The following SORCS2 variants were observed in gnomAD, a reference collection of about 807,000 sequenced individuals.
SORCS2 encodes VPS10 domain-containing receptor SorCS2.
In SORCS2, 100 loss-of-function variants were observed where a neutral mutation model predicts 141.6. The ratio of observed to expected loss-of-function variants is 0.71; its 90% CI spans 0.60 to 0.83. The LOEUF (loss-of-function observed/expected upper bound fraction) is 0.83, where lower values mean the gene tolerates loss of function less well. Among genes scored for constraint, SORCS2 ranks in the 40% least tolerant of loss-of-function variants. The probability of loss-of-function intolerance (pLI) is 0.00; values close to 1 mark genes in which losing one functional copy is unlikely to be tolerated. For synonymous variants in SORCS2, 789 were observed against 676.9 expected (o/e 1.17, Z -2.57); for missense variants, 1,646 against 1,560.2 (o/e 1.05, Z -0.93).
rs550376684 is a variant in SORCS2 at position 7,685,557 on chromosome 4, C to CT, written c.1488+2668_1488+2669insT. On this transcript the variant is annotated intron_variant, in intron 10 of 26. Coordinates refer to ENST00000507866, the MANE Select transcript of SORCS2 (RefSeq NM_020777.3). The stretch of plus-strand genomic sequence containing the variant: ...ATGGTGGCACATGCCTATAATCCCA[C>CT]CTACTTGGGAGGCTGAGGCAGGAGA... 3.1e-4 allele frequency among the ~76,000 whole-genome samples: 47 copies of CT among 152,186 alleles called. No individual in the cohort carries two copies. In the South Asian group the frequency reaches 7.3e-3, roughly 24 times the overall value.
intron 12 of SORCS2, among the ~76,000 whole-genome samples, chr4:7,700,630 G>C (rs1224312652): frequency 3.3e-5 from 5 of 152,234 alleles, no homozygotes. Context: ...CATAGGCATT[G>C]TGCTTCTCCA....
intron 1 of SORCS2, among the ~76,000 whole-genome samples, chr4:7,343,031 G>C (rs1311977434): frequency 6.6e-6 from 1 of 152,348 alleles, no homozygotes; most frequent in Middle Eastern, 3.4e-3. Context: ...GGGTGGAAAA[G>C]GGGACAGAGC....
chr4:7,608,297 G>A (rs912339804), intron 3 of SORCS2, among the ~76,000 whole-genome samples: 3 of 152,114 alleles, frequency 2.0e-5, no homozygotes, highest in East Asian at 1.9e-4. Flanking sequence ...GAAGGCTGCC[G>A]GATTGCACAC....
rs1478363816 is a variant in SORCS2 at position 7,365,006 on chromosome 4, C to T, written c.481-31282C>T. On this transcript the variant is annotated intron_variant, in intron 1 of 26. Coordinates refer to ENST00000507866, the MANE Select transcript of SORCS2 (RefSeq NM_020777.3). ...TCTGTGGAGTGTAGGTAAGGCTGGC[C>T]CCTGCCTCATAGAGTTGCTGTCAGG... is the stretch of plus-strand genomic sequence containing the variant. Among the ~76,000 whole-genome samples, 6 of 152,176 alleles carry T rather than the reference C, an allele frequency of 3.9e-5. No homozygotes were observed. In the East Asian group the frequency reaches 1.2e-3, roughly 29 times the overall value.
At chr4:7,510,734 G>T (rs139123347) in intron 2 of SORCS2, among the ~76,000 whole-genome samples, 1,596 of 152,372 alleles carry the variant, frequency 0.01, 28 homozygotes, top group African/African-American at 0.036. Flanking sequence ...CGGGGCCTGG[G>T]CACGTGCTGT....
At position 7,654,956 on chromosome 4, in the gene SORCS2, T is replaced by C. The variant is rs1054513497; in HGVS notation, c.887+749T>C. ...TGCCCCCTGAGCACCCCAGCCTCACTGCACGGGGGGCACTCGGCTTTCCTT... is the reference window on the plus strand; with the variant it reads ...TGCCCCCTGAGCACCCCAGCCTCACCGCACGGGGGGCACTCGGCTTTCCTT... On this transcript the variant is annotated intron_variant, in intron 5 of 26. Transcript: ENST00000507866. Among the ~76,000 whole-genome samples, 125 of 152,168 alleles carry C rather than the reference T, an allele frequency of 8.2e-4. 1 individual carries two copies. The highest frequency in any genetic ancestry group is 2.9e-3 in the African/African-American group (121 of 41,440).
intron 4 of SORCS2, among the ~76,000 whole-genome samples, chr4:7,652,660 C>A (rs959070230): frequency 2.6e-5 from 4 of 152,194 alleles, no homozygotes; most frequent in Admixed American, 2.0e-4. Context: ...GCACAGGCCT[C>A]TCTCAGGCCC....
At position 7,673,573 on chromosome 4, in the gene SORCS2, A is replaced by G. The variant is rs898282986; in HGVS notation, c.1162-2477A>G. Among the ~76,000 whole-genome samples, 4 of 152,230 alleles carry G rather than the reference A, an allele frequency of 2.6e-5. No homozygotes were observed. In the South Asian group the frequency reaches 8.3e-4, roughly 32 times the overall value. On this transcript the variant is annotated intron_variant, in intron 8 of 26. Coordinates refer to ENST00000507866, the MANE Select transcript of SORCS2 (RefSeq NM_020777.3). ...TACACATGAAAAAAATATGTGCACC[A>G]CACTTGAGAGAAAGCCCAAACGTAA...
At chr4:7,635,300 G>A (rs77086496) in intron 3 of SORCS2, among the ~76,000 whole-genome samples, 2,068 of 152,238 alleles carry the variant, frequency 0.014, 43 homozygotes, top group African/African-American at 0.046. Flanking sequence ...CTGACCATCC[G>A]TGTGACCTCC....
chr4:7,453,180 G>C (rs1363959467), intron 2 of SORCS2, among the ~76,000 whole-genome samples: 3 of 143,544 alleles, frequency 2.1e-5, no homozygotes, highest in Non-Finnish European at 4.6e-5. Flanking sequence ...GTCAGGCTCT[G>C]TGTTGGGGTC....
chr4:7,324,987 A>C (rs1479691828), intron 1 of SORCS2, among the ~76,000 whole-genome samples: 1 of 151,984 alleles, frequency 6.6e-6, no homozygotes, highest in African/African-American at 2.4e-5. Flanking sequence ...GAGTCTCTCA[A>C]CCTCTCCGTG....
At chr4:7,587,953 C>A (rs1006985309) in intron 3 of SORCS2, among the ~76,000 whole-genome samples, 1 of 152,154 alleles carries the variant, frequency 6.6e-6, no homozygotes, top group Non-Finnish European at 1.5e-5. Context: ...TTTTTTCAGG[C>A]CTTTAAAACC....
intron 1 of SORCS2, among the ~76,000 whole-genome samples, chr4:7,221,949 C>G (rs1040412826): frequency 4.6e-5 from 7 of 152,142 alleles, no homozygotes; most frequent in Non-Finnish European, 1.5e-5. Context: ...GGGAGAGAGA[C>G]AGAAAACCTA....
At chr4:7,328,018 C>CTATTT (rs1719391557) in intron 1 of SORCS2, among the ~76,000 whole-genome samples, 1 of 88,752 alleles carries the variant, frequency 1.1e-5, no homozygotes, top group East Asian at 2.9e-4. Flanking sequence ...TCGTGCTAGG[C>CTATTT]TTTTTTTTTT....
At chr4:7,420,234 G>A (rs922382574) in intron 2 of SORCS2, among the ~76,000 whole-genome samples, 13 of 152,224 alleles carry the variant, frequency 8.5e-5, no homozygotes, top group East Asian at 3.8e-4. Context: ...CTGCAGCAAC[G>A]CCAGTTTTGG....
rs185540422 is a variant in SORCS2 at position 7,602,427 on chromosome 4, G to C, written c.649-35901G>C. ...GGCGGCCGGGCAGAGACACTCCTCAGTTCCCAGACAGGGTCGCGGCCAGGC... is the reference window on the plus strand; with the variant it reads ...GGCGGCCGGGCAGAGACACTCCTCACTTCCCAGACAGGGTCGCGGCCAGGC... On this transcript the variant is annotated intron_variant, in intron 3 of 26. Transcript: ENST00000507866. Among the ~76,000 whole-genome samples, 440 of 146,918 alleles carry C rather than the reference G, an allele frequency of 3.0e-3. 2 individuals carry two copies. The highest frequency in any genetic ancestry group is 0.011 in the African/African-American group (423 of 39,420).
At chr4:7,606,424 A>G (rs544741192) in intron 3 of SORCS2, among the ~76,000 whole-genome samples, 3 of 152,246 alleles carry the variant, frequency 2.0e-5, no homozygotes, top group East Asian at 3.9e-4. Context: ...GTTACACAGT[A>G]TCCTGGCTTC....
At chr4:7,450,845 T>A (rs1344142658) in intron 2 of SORCS2, among the ~76,000 whole-genome samples, 1 of 151,264 alleles carries the variant, frequency 6.6e-6, no homozygotes, top group African/African-American at 2.4e-5. Flanking sequence ...AGTGAATGAG[T>A]GAATGGATGG....
At chr4:7,525,638 C>T (rs1017475908) in intron 2 of SORCS2, among the ~76,000 whole-genome samples, 1 of 152,120 alleles carries the variant, frequency 6.6e-6, no homozygotes, top group African/African-American at 2.4e-5. Flanking sequence ...ACATCCTATT[C>T]TTCCTCTCAC....
Sources: gnomAD v4.1 joint callset for allele counts (sites outside exome capture counted in the v4.1 genomes callset) on GRCh38, gnomAD v4.1.1 for gene constraint, MANE v1.5 for transcripts, NCBI Gene and HGNC (gene_info 2026-07-23, HGNC 2026-07-21) for gene names.